Variants in ZNF69 observed in about 807,000 individuals in gnomAD.
ZNF69 encodes the protein ZNF3.
In ZNF69, 47 loss-of-function variants were observed where a neutral mutation model predicts 50.9. The observed-to-expected ratio is 0.92, with a 90% CI of 0.73 to 1.18. ZNF69 has a LOEUF of 1.18. ZNF69 is among the 50% of genes most tolerant of loss of function. The pLI is 0.00. For synonymous variants in ZNF69, 216 were observed against 223.1 expected, an observed-to-expected ratio of 0.97 and a Z score of 0.29; for missense variants, 717 against 675.1, an observed-to-expected ratio of 1.06 and a Z score of -0.69.
chr19:11,962,602 C>T, the ZNF69 span, among the ~76,000 whole-genome samples: 3 of 123,774 alleles, frequency 2.4e-5, no homozygotes, highest in Non-Finnish European at 4.9e-5. Context: ...CTCAAGTGAC[C>T]CCCCCCCACC....
the ZNF69 span, among the ~76,000 whole-genome samples, chr19:11,972,189 G>A: frequency 3.3e-5 from 5 of 152,214 alleles, no homozygotes; most frequent in African/African-American, 1.2e-4. Context: ...GGAGGCTGAG[G>A]TAGAAGGATC....
chr19:11,932,161 TG>T, the ZNF69 span, among the ~76,000 whole-genome samples: 1 of 147,126 alleles, frequency 6.8e-6, no homozygotes, highest in African/African-American at 2.7e-5. Context: ...TAGTCCAGCC[TG>T]GGCAACATGG....
the ZNF69 span, among the ~76,000 whole-genome samples, chr19:11,951,373 C>T: frequency 7.9e-5 from 12 of 151,454 alleles, no homozygotes; most frequent in East Asian, 1.8e-3. Context: ...GGACTACAGG[C>T]GTGCCCCACC....
chr19:11,948,475 C>T, the ZNF69 span: 2 of 1,614,048 alleles, frequency 1.2e-6, no homozygotes, highest in South Asian at 1.1e-5. Flanking sequence ...TGACACTGGA[C>T]ACAAGGCATA....
At chr19:11,912,432 G>T (rs952453198) in intron 4 of ZNF69, among the ~76,000 whole-genome samples, 1 of 152,144 alleles carries the variant, frequency 6.6e-6, no homozygotes, top group South Asian at 2.1e-4. Flanking sequence ...AAAGACATTG[G>T]AAGGAAACCC....
the ZNF69 span, among the ~76,000 whole-genome samples, chr19:11,974,253 A>G: frequency 1.4e-5 from 2 of 142,340 alleles, no homozygotes; most frequent in Admixed American, 1.5e-4. Context: ...CTGGAGTGCA[A>G]TGGCATGATC....
At chr19:11,946,995 T>C in the ZNF69 span, 40 of 1,049,648 alleles carry the variant, frequency 3.8e-5, no homozygotes, top group South Asian at 8.5e-4. Flanking sequence ...TCTCAAAAAA[T>C]AAATAAATAA....
At chr19:11,949,756 C>T in the ZNF69 span, 9 of 1,588,360 alleles carry the variant, frequency 5.7e-6, no homozygotes, top group African/African-American at 1.3e-4. Context: ...ATCTGCCTCA[C>T]ACCTTCGAAT....
intron 1 of ZNF69, among the ~76,000 whole-genome samples, chr19:11,895,253 G>A (rs1021404683): frequency 6.6e-6 from 1 of 152,220 alleles, no homozygotes; most frequent in African/African-American, 2.4e-5. Context: ...CAAAGCCCAT[G>A]ACATACAGTG....
chr19:11,954,485 T>TG, the ZNF69 span, among the ~76,000 whole-genome samples: 3 of 152,224 alleles, frequency 2.0e-5, no homozygotes, highest in Non-Finnish European at 4.4e-5. Context: ...CCCAAAGTGC[T>TG]GGGATTCGAG....
downstream of ZNF69, among the ~76,000 whole-genome samples, chr19:11,910,575 A>C (rs1297838502): frequency 6.6e-6 from 1 of 152,236 alleles, no homozygotes; most frequent in East Asian, 1.9e-4. Flanking sequence ...TGGGGAAAGG[A>C]TTCCCTATTT....
rs913184884 is a variant in ZNF69 at position 11,895,737 on chromosome 19, ATATAAC to A, written c.63+7757_63+7762del. Among the ~76,000 whole-genome samples the A allele has an allele frequency of 1.3e-3, 194 of 152,368 alleles. 1 individual carries two copies. Among genetic ancestry groups the A allele is most frequent in the African/African-American group, 4.5e-3 (186 of 41,584 alleles). ...TAAAGAAAATGCATGCTAAGGTAAC[ATATAAC>A]TATAAGAACTCAGTATAAGAGGCAA... On this transcript the variant is annotated intron_variant, in intron 1 of 3. Coordinates refer to ENST00000429654, the MANE Select transcript of ZNF69 (RefSeq NM_001364730.1).
chr19:11,977,167 A>G, the ZNF69 span: 4 of 1,613,852 alleles, frequency 2.5e-6, no homozygotes, highest in Middle Eastern at 1.6e-4. Flanking sequence ...CTCTATAGGT[A>G]AGGATGACAA....
At chr19:11,949,367 G>A in the ZNF69 span, 3 of 1,613,868 alleles carry the variant, frequency 1.9e-6, no homozygotes, top group South Asian at 1.1e-5. Context: ...CCCTATGAAT[G>A]TAAGGAATGT....
chr19:11,956,981 C>G, the ZNF69 span, among the ~76,000 whole-genome samples: 1 of 152,122 alleles, frequency 6.6e-6, no homozygotes, highest in African/African-American at 2.4e-5. Flanking sequence ...AGCTAGGGAT[C>G]CACAGGCAGA....
chr19:11,917,986 A>G (rs1343096762), downstream of ZNF69, among the ~76,000 whole-genome samples: 2 of 151,950 alleles, frequency 1.3e-5, no homozygotes, highest in Non-Finnish European at 2.9e-5. Flanking sequence ...CGGTTTCACC[A>G]TGTTGTCCAG....
At chr19:11,928,133 C>T in the ZNF69 span, among the ~76,000 whole-genome samples, 1 of 152,010 alleles carries the variant, frequency 6.6e-6, no homozygotes, top group African/African-American at 2.4e-5. Flanking sequence ...ACTACAATTG[C>T]CCACCAGCAC....
chr19:11,912,312 C>A (rs1386658020), intron 4 of ZNF69, among the ~76,000 whole-genome samples: 1 of 152,040 alleles, frequency 6.6e-6, no homozygotes, highest in Non-Finnish European at 1.5e-5. Flanking sequence ...AGCATTCATA[C>A]CTGCCAAGAT....
chr19:11,925,289 C>T, the ZNF69 span: 2 of 1,610,902 alleles, frequency 1.2e-6, no homozygotes, highest in Non-Finnish European at 1.7e-6. Flanking sequence ...TGTGCGGGAC[C>T]AGATGTCGTG....
Sources: gnomAD v4.1 joint callset for allele counts (sites outside exome capture counted in the v4.1 genomes callset) on GRCh38, gnomAD v4.1.1 for gene constraint, MANE v1.5 for transcripts, NCBI Gene and HGNC (gene_info 2026-07-23, HGNC 2026-07-21) for gene names.